The following TMCC2 variants were observed in gnomAD, a reference collection of about 807,000 sequenced individuals.
The protein encoded by TMCC2 is transmembrane and coiled-coil domain family 2.
Under a neutral mutation model 49.4 loss-of-function variants are expected in TMCC2, and 16 were observed. That is an observed-to-expected ratio of 0.32 (90% CI 0.22 to 0.49). The LOEUF is 0.49. TMCC2 is among the 20% of genes least tolerant of loss of function. The pLI is 0.99. For missense variants in TMCC2, 762 were observed against 989.8 expected, an observed-to-expected ratio of 0.77 and a Z score of 3.09; for synonymous variants, 397 against 434.1, an observed-to-expected ratio of 0.91 and a Z score of 1.06.
chr1:205,267,677 T>C (rs1229334703), intron 2 of TMCC2, among the ~76,000 whole-genome samples: 2 of 152,086 alleles, frequency 1.3e-5, no homozygotes, highest in Non-Finnish European at 2.9e-5. Flanking sequence ...ATCTTTCCTA[T>C]CTCCTGTGAC....
rs1226103366 is a variant in TMCC2, at chr1:205,230,080, T to C, written c.207+1309T>C. On this transcript the variant is annotated intron_variant, in intron 1 of 4. Coordinates refer to ENST00000358024, the MANE Select transcript of TMCC2 (RefSeq NM_014858.4). ...TGCATTTAATAAAGCCTATATCCTA[T>C]GGCAGCAGCCACTAAGGAGCTCACC... 3 of 985,372 alleles carry C rather than the reference T, an allele frequency of 3.0e-6. No individual in the cohort carries two copies. In the Admixed American group the frequency reaches 1.8e-4, roughly 61 times the overall value. The allele number at this position is 985,372 out of a possible 1,614,324, so 61.0% of individuals were successfully genotyped here.
chr1:205,247,803 C>T (rs1396501660), intron 2 of TMCC2, among the ~76,000 whole-genome samples: 3 of 147,586 alleles, frequency 2.0e-5, no homozygotes, highest in Non-Finnish European at 4.5e-5. Context: ...AGCTGGCTTT[C>T]GGACCAGAGC....
intron 2 of TMCC2, among the ~76,000 whole-genome samples, chr1:205,249,563 G>T (rs1660585893): frequency 6.6e-6 from 1 of 152,206 alleles, no homozygotes; most frequent in Admixed American, 6.5e-5. Context: ...AGGTTGCATG[G>T]GAGGCTGAAG....
intron 4 of TMCC2, 53 bp from the exon 5 acceptor site, chr1:205,271,760 T>A: frequency 6.4e-7 from 1 of 1,574,118 alleles, no homozygotes; most frequent in Non-Finnish European, 8.6e-7. Flanking sequence ...GTTTTCAGCC[T>A]AGGGGTCCTG....
rs1201555971 is a variant in TMCC2, at chr1:205,264,711, C to A, written c.748-4239C>A. ...TTCACCATGTTGGCCAGGCTGGTCT[C>A]CAACTCCTAACCTCAGGTGATCCGC... is the stretch of plus-strand genomic sequence containing the variant. On this transcript the variant is annotated intron_variant, in intron 2 of 4. Transcript: ENST00000358024. The surrounding 1 kb of genome is among the most constrained non-coding windows in gnomAD (Gnocchi z 4.2). 6.6e-6 allele frequency among the ~76,000 whole-genome samples: 1 copy of A among 152,152 alleles called. No homozygotes were observed. The highest frequency in any genetic ancestry group is 1.5e-5 in the Non-Finnish European group (1 of 68,038).
chr1:205,238,215 A>G (rs958051537), intron 1 of TMCC2, among the ~76,000 whole-genome samples: 2 of 151,746 alleles, frequency 1.3e-5, no homozygotes, highest in African/African-American at 4.8e-5. Context: ...TGAAACTTGT[A>G]GCTGGTTATG....
Position 205,269,290 on chromosome 1 carries a change from A to C in TMCC2, c.1088A>C (p.Glu363Ala). 1.2e-6 allele frequency: 2 copies of C among 1,613,720 alleles called. No individual in the cohort carries two copies. The highest frequency in any genetic ancestry group is 1.7e-6 in the Non-Finnish European group (2 of 1,180,032). The change falls in exon 3 of 5, where the codon GAG becomes GCG. Residue 363 changes from glutamate (E) to alanine (A), a missense_variant. By Grantham distance (107) the Glu-to-Ala change is moderately radical. This residue lies in a region of TMCC2 where 440 missense variants were observed against 636.7 expected (regional missense o/e 0.69). Coordinates refer to ENST00000358024, the MANE Select transcript of TMCC2 (RefSeq NM_014858.4). ...GAGCACTACCGCCGGCGCCTGAAGGAGATTGAGCAGAACGGGCCCTCGCGG... is the reference window on the plus strand; with the variant it reads ...GAGCACTACCGCCGGCGCCTGAAGGCGATTGAGCAGAACGGGCCCTCGCGG... ...KLEHYRRRLK[E>A]IEQNGPSRQP...
At chr1:205,268,885 C>A in intron 2 of TMCC2, 65 bp from the exon 3 acceptor site, 1 of 1,500,778 alleles carries the variant, frequency 6.7e-7, no homozygotes, top group Non-Finnish European at 9.1e-7. Context: ...AGTCCAGAGG[C>A]ATCCAGGGGC....
At chr1:205,263,051 G>A (rs1172559089) in intron 2 of TMCC2, among the ~76,000 whole-genome samples, 1 of 152,096 alleles carries the variant, frequency 6.6e-6, no homozygotes, top group Non-Finnish European at 1.5e-5. Context: ...ATCTCCCACA[G>A]AGTGTTCCCT....
At chr1:205,249,305 C>T (rs1558649085) in intron 2 of TMCC2, among the ~76,000 whole-genome samples, 1 of 152,212 alleles carries the variant, frequency 6.6e-6, no homozygotes, top group Non-Finnish European at 1.5e-5. Flanking sequence ...AACAAGATTT[C>T]TTCTCTGCCC....
chr1:205,245,799 ATTT>A (rs1230935167), intron 2 of TMCC2, among the ~76,000 whole-genome samples: 1 of 139,650 alleles, frequency 7.2e-6, no homozygotes. Flanking sequence ...AGATATCCCA[ATTT>A]TTTTTTTTTT....
chr1:205,271,401 G>A, intron 4 of TMCC2, 146 bp downstream of exon 4: 1 of 1,353,620 alleles, frequency 7.4e-7, no homozygotes, highest in Non-Finnish European at 1.0e-6. Context: ...GAAGAGGGCA[G>A]CGTAGCGGGA....
At chr1:205,262,584 AG>A (rs1241670471) in intron 2 of TMCC2, among the ~76,000 whole-genome samples, 1 of 152,218 alleles carries the variant, frequency 6.6e-6, no homozygotes, top group African/African-American at 2.4e-5. Context: ...GTTAACATGC[AG>A]GGTGTTTCCC....
At chr1:205,270,769 A>G (rs1226380783) in intron 3 of TMCC2, among the ~76,000 whole-genome samples, 1 of 152,114 alleles carries the variant, frequency 6.6e-6, no homozygotes, top group African/African-American at 2.4e-5. Flanking sequence ...AAGTCAGCCA[A>G]TCCTTAACTC....
Position 205,245,433 on chromosome 1 carries a change from G to A in TMCC2, c.747+3389G>A, listed in dbSNP as rs569547837. 5.9e-5 allele frequency among the ~76,000 whole-genome samples: 9 copies of A among 152,326 alleles called. No individual in the cohort carries two copies. The South Asian group carries it at 1.9e-3, about 32-fold the overall frequency. ...AGGAGACATGATGGAAGACCAAACA[G>A]TTCTACATTTGGGGGATGTGAGGCC... is the stretch of plus-strand genomic sequence containing the variant. On this transcript the variant is annotated intron_variant, in intron 2 of 4. Coordinates refer to ENST00000358024, the MANE Select transcript of TMCC2 (RefSeq NM_014858.4).
At position 205,228,298 on chromosome 1, in the gene TMCC2, C is replaced by T. The variant is rs1659651648; in HGVS notation, c.-267C>T. 2.9e-6 allele frequency: 1 copy of T among 347,144 alleles called. No individual in the cohort carries two copies. The highest frequency in any genetic ancestry group is 5.3e-6 in the Non-Finnish European group (1 of 188,180). 21.5% of individuals were successfully genotyped at this position (347,144 alleles called of 1,614,324 possible). A position where few individuals can be genotyped will look rare whatever the true frequency, so the allele number is the denominator to read the frequency against. On this transcript the variant is annotated 5_prime_UTR_variant, in exon 1 of 5. Transcript: ENST00000358024. ...CCCTCCTGCAATGACTGCCCAAGGA[C>T]TCTTGCTGCCCAGCCTCGACTGTGA...
At chr1:205,250,243 C>T (rs1164814234) in intron 2 of TMCC2, among the ~76,000 whole-genome samples, 1 of 152,114 alleles carries the variant, frequency 6.6e-6, no homozygotes, top group Non-Finnish European at 1.5e-5. Flanking sequence ...GACTTTCTTT[C>T]TAGATTGAAA....
chr1:205,262,303 A>C (rs1159380262), intron 2 of TMCC2, among the ~76,000 whole-genome samples: 1 of 152,010 alleles, frequency 6.6e-6, no homozygotes, highest in Non-Finnish European at 1.5e-5. Context: ...CTGCTGCAGG[A>C]CTCCCAGGCT....
At chr1:205,270,447 CCTT>C (rs1661541740) in intron 3 of TMCC2, among the ~76,000 whole-genome samples, 1 of 152,242 alleles carries the variant, frequency 6.6e-6, no homozygotes, top group Admixed American at 6.5e-5. Flanking sequence ...CTCGGCCTCT[CCTT>C]CTGTGTCTCC....
Sources: allele counts gnomAD v4.1 joint callset (sites outside exome capture counted in the v4.1 genomes callset), GRCh38; gene constraint gnomAD v4.1.1; regional missense constraint gnomAD v4.1.1; non-coding constraint Gnocchi (gnomAD v3.1); transcripts MANE v1.5; gene names NCBI Gene and HGNC (gene_info 2026-07-23, HGNC 2026-07-21).